Variants in SHANK2 observed in about 807,000 individuals in gnomAD.
The protein encoded by SHANK2 is SH3 and multiple ankyrin repeat domains protein 2.
SHANK2 carries 43 observed loss-of-function variants against 133.7 expected under a neutral mutation model. That is an observed-to-expected ratio of 0.32 (90% CI 0.25 to 0.41). The LOEUF is 0.41. Ranked by LOEUF, SHANK2 falls within the 10% of genes least tolerant of loss-of-function variation. The probability of loss-of-function intolerance (pLI) is 1.00; values close to 1 mark genes in which losing one functional copy is unlikely to be tolerated. For missense variants in SHANK2, 1,994 were observed against 2,235.8 expected (o/e 0.89, Z 2.18); for synonymous variants, 1,017 against 952.8 (o/e 1.07, Z -1.24).
At position 70,599,585 on chromosome 11, in the gene SHANK2, G is replaced by A. The variant is rs1311569163; in HGVS notation, c.2061+60243C>T. On this transcript the variant is annotated intron_variant, in intron 17 of 25. Transcript: ENST00000601538. ...ATTGCGCCACTGCACTCCAGCCTGGGCGACAGCGAGACTCCGTCTCAAAAA... is the reference window on the plus strand; with the variant it reads ...ATTGCGCCACTGCACTCCAGCCTGGACGACAGCGAGACTCCGTCTCAAAAA... Among the ~76,000 whole-genome samples, 10 of 104,220 alleles carry A rather than the reference G, an allele frequency of 9.6e-5. 2 individuals carry two copies. Among genetic ancestry groups the A allele is most frequent in the South Asian group, 8.6e-4 (2 of 2,322 alleles). 68.4% of individuals were successfully genotyped at this position (104,220 alleles called of 152,430 possible).
intron 8 of SHANK2, among the ~76,000 whole-genome samples, chr11:71,091,373 C>A (rs1290635821): frequency 6.6e-6 from 1 of 152,176 alleles, no homozygotes; most frequent in Non-Finnish European, 1.5e-5. Context: ...CTGGCACCCC[C>A]ACTGCCCAGT....
At chr11:71,097,282 T>A (rs139300433) in intron 6 of SHANK2, among the ~76,000 whole-genome samples, 1 of 152,100 alleles carries the variant, frequency 6.6e-6, no homozygotes, top group African/African-American at 2.4e-5. Context: ...TTGGGGCTGA[T>A]GGAATCACCC....
intron 5 of SHANK2, among the ~76,000 whole-genome samples, chr11:71,111,491 C>T (rs1033370615): frequency 2.0e-5 from 3 of 152,228 alleles, no homozygotes; most frequent in African/African-American, 7.2e-5. Flanking sequence ...TCTGCCCATC[C>T]AGAGCCAGTC....
intron 11 of SHANK2, among the ~76,000 whole-genome samples, chr11:70,889,445 CA>C (rs1195542251): frequency 2.6e-5 from 4 of 152,192 alleles, no homozygotes; most frequent in African/African-American, 9.6e-5. Flanking sequence ...TTTGTTGTGG[CA>C]GCCCCGGGAA....
intron 2 of SHANK2, among the ~76,000 whole-genome samples, chr11:71,163,093 A>AAAACATATATATATATATATATATATAT: frequency 1.7e-4 from 14 of 84,672 alleles, no homozygotes; most frequent in African/African-American, 4.6e-4. Flanking sequence ...AAAAAAAAAA[A>AAAACATATATATATATATATATATATAT]ATACATATAT....
At chr11:70,917,291 G>GA (rs782766072) in intron 10 of SHANK2, among the ~76,000 whole-genome samples, 4 of 152,182 alleles carry the variant, frequency 2.6e-5, no homozygotes, top group Non-Finnish European at 5.9e-5. Context: ...TTAGAGAAAT[G>GA]AAAATCAAAA....
rs1208758141 is a variant in SHANK2 at position 71,166,391 on chromosome 11, C to T, written c.-12-19053G>A. On this transcript the variant is annotated intron_variant, in intron 2 of 25. Coordinates refer to ENST00000601538, the MANE Select transcript of SHANK2 (RefSeq NM_012309.5). The stretch of plus-strand genomic sequence containing the variant: ...TACTTCTTTCCAGACAGCAAGAATG[C>T]AGTGAATTCTCATACAGCAATGCAG... Among the ~76,000 whole-genome samples the T allele has an allele frequency of 2.4e-4, 37 of 151,976 alleles. 2 individuals are homozygous for T. Among genetic ancestry groups the T allele is most frequent in the Admixed American group, 2.4e-3 (37 of 15,262 alleles).
intron 8 of SHANK2, among the ~76,000 whole-genome samples, chr11:71,082,015 G>A (rs1386999482): frequency 1.3e-5 from 2 of 152,212 alleles, no homozygotes; most frequent in African/African-American, 2.4e-5. Flanking sequence ...CTCGGTCCCA[G>A]TTCCAAGGCT....
chr11:70,664,567 C>T (rs1944643991), intron 15 of SHANK2, among the ~76,000 whole-genome samples: 1 of 152,228 alleles, frequency 6.6e-6, no homozygotes. Context: ...TCCATCTCCA[C>T]CCAGCTCCAA....
chr11:71,191,289 G>A (rs1462593066), intron 2 of SHANK2, among the ~76,000 whole-genome samples: 1 of 152,174 alleles, frequency 6.6e-6, no homozygotes, highest in Non-Finnish European at 1.5e-5. Flanking sequence ...AGGGAGACAG[G>A]ACGCTGCATA....
intron 3 of SHANK2, among the ~76,000 whole-genome samples, chr11:71,145,830 A>G (rs1484017056): frequency 6.6e-6 from 1 of 152,088 alleles, no homozygotes; most frequent in Non-Finnish European, 1.5e-5. Context: ...GTGGATGCAG[A>G]GCACTGGGCT....
At chr11:70,711,340 C>T (rs901291592) in intron 14 of SHANK2, among the ~76,000 whole-genome samples, 8 of 152,384 alleles carry the variant, frequency 5.2e-5, no homozygotes, top group Middle Eastern at 3.4e-3. Context: ...CTCCCTCCCA[C>T]GCAGCCTCCT....
intron 14 of SHANK2, among the ~76,000 whole-genome samples, chr11:70,728,422 A>T (rs1270801654): frequency 6.6e-6 from 1 of 152,146 alleles, no homozygotes; most frequent in African/African-American, 2.4e-5. Context: ...TGCCAATATA[A>T]CTCAAGACAG....
In SHANK2 at chr11:70,682,139, G is replaced by A. The variant is rs534992773; in HGVS notation, c.1853+16549C>T. ...GTTCCAGGACTGATCCGACAGAAACGCACCCTCAAGAGCACCACAAGGCCG... is the reference window on the plus strand; with the variant it reads ...GTTCCAGGACTGATCCGACAGAAACACACCCTCAAGAGCACCACAAGGCCG... On this transcript the variant is annotated intron_variant, in intron 15 of 25. Coordinates refer to ENST00000601538, the MANE Select transcript of SHANK2 (RefSeq NM_012309.5). 2.2e-3 allele frequency among the ~76,000 whole-genome samples: 333 copies of A among 152,218 alleles called. 3 individuals are homozygous for A. The highest frequency in any genetic ancestry group is 7.7e-3 in the African/African-American group (320 of 41,522).
At chr11:70,643,600 T>C (rs1241920295) in intron 17 of SHANK2, among the ~76,000 whole-genome samples, 4 of 151,848 alleles carry the variant, frequency 2.6e-5, no homozygotes, top group African/African-American at 9.7e-5. Flanking sequence ...AGAAATATTA[T>C]TATACTACAG....
intron 15 of SHANK2, among the ~76,000 whole-genome samples, chr11:70,665,498 G>A (rs1219999809): frequency 1.3e-5 from 2 of 152,172 alleles, no homozygotes; most frequent in Non-Finnish European, 2.9e-5. Flanking sequence ...CCCCAAGACT[G>A]TAATGGCCCT....
chr11:70,735,556 T>C (rs1164536787), intron 14 of SHANK2, among the ~76,000 whole-genome samples: 2 of 151,986 alleles, frequency 1.3e-5, no homozygotes, highest in Non-Finnish European at 2.9e-5. Flanking sequence ...ATACAAGAAA[T>C]AGCTGGGCGT....
chr11:70,602,747 T>C (rs2060517754), intron 17 of SHANK2, among the ~76,000 whole-genome samples: 1 of 152,234 alleles, frequency 6.6e-6, no homozygotes, highest in African/African-American at 2.4e-5. Context: ...ATAAAATACA[T>C]AAAATGTTAC....
At chr11:70,909,479 A>T (rs544263095) in intron 10 of SHANK2, among the ~76,000 whole-genome samples, 25 of 152,266 alleles carry the variant, frequency 1.6e-4, no homozygotes, top group Non-Finnish European at 3.1e-4. Context: ...CCAACACGAC[A>T]CGCAGCCCAG....
Sources: allele counts gnomAD v4.1 joint callset (sites outside exome capture counted in the v4.1 genomes callset), GRCh38; gene constraint gnomAD v4.1.1; transcripts MANE v1.5; gene names NCBI Gene and HGNC (gene_info 2026-07-23, HGNC 2026-07-21).